NCBP3: variants seen among roughly 807,000 people sequenced by gnomAD.
NCBP3 encodes nuclear cap-binding protein subunit 3.
In NCBP3, 20 loss-of-function variants were observed where a neutral mutation model predicts 75.7. The ratio of observed to expected loss-of-function variants is 0.26; its 90% CI spans 0.19 to 0.38. The LOEUF (loss-of-function observed/expected upper bound fraction) is 0.38. NCBP3 is among the 10% of genes least tolerant of loss of function. The pLI is 1.00. For missense variants in NCBP3, 678 were observed against 796.9 expected (o/e 0.85, Z 1.80); for synonymous variants, 293 against 290.5 (o/e 1.01, Z -0.09).
chr17:3,813,073 T>C lies in NCBP3; in HGVS notation c.1834A>G (p.Ser612Gly), dbSNP rs2053451847. 4 of 1,614,214 alleles carry C rather than the reference T, an allele frequency of 2.5e-6. No individual in the cohort carries two copies. The highest frequency in any genetic ancestry group is 3.4e-6 in the Non-Finnish European group (4 of 1,180,030). ...GACTCTGCCTCTGAACCAGAGCTGC[T>C]TTCCCGACTAACTTCAATCTGGAGA... ...PSLQIEVSRE[S>G]SSGSEAES The change falls in exon 13 of 13, where the codon AGC (serine) becomes GGC (glycine). Residue 612 changes from serine to glycine, a missense_variant. Around this residue, in one of 7 missense-constraint regions of NCBP3, gnomAD observed 365 missense variants for 392.7 expected, o/e 0.93. Transcript: ENST00000389005.
chr17:3,822,244 T>C, intron 7 of NCBP3, 192 bp from the exon 8 acceptor site: 1 of 495,484 alleles, frequency 2.0e-6, no homozygotes, highest in Non-Finnish European at 3.6e-6. Flanking sequence ...TAAAGCAAAA[T>C]ACAGAGACGA....
Position 3,821,958 on chromosome 17 carries a change from A to G in NCBP3, c.891T>C (p.Asn297=), listed in dbSNP as rs1328679636. ...NYGGMKGILS[N]SWKRRYHSRR... ...TTTGAAGGTTTTGGACTCACCATGA[A>G]TTGCTAAGAATTCCTTTCATGCCTC... Residue 297 remains asparagine, a synonymous_variant, in exon 8 of 13, where the codon AAT becomes AAC. Coordinates refer to ENST00000389005, the MANE Select transcript of NCBP3 (RefSeq NM_001114118.3). 6.2e-7 allele frequency: 1 copy of G among 1,603,788 alleles called. No individual in the cohort carries two copies. The highest frequency in any genetic ancestry group is 8.5e-7 in the Non-Finnish European group (1 of 1,171,714).
At chr17:3,835,813 T>C (rs1049370998) in intron 3 of NCBP3, among the ~76,000 whole-genome samples, 1 of 152,210 alleles carries the variant, frequency 6.6e-6, no homozygotes, top group African/African-American at 2.4e-5. Context: ...TGACACTGAA[T>C]CGTTCAAATG....
chr17:3,840,146 A>T lies in NCBP3; in HGVS notation c.309T>A (p.Asn103Lys). 1 of 1,551,692 alleles carries T rather than the reference A, an allele frequency of 6.4e-7. No individual in the cohort carries two copies. The highest frequency in any genetic ancestry group is 1.2e-5 in the South Asian group (1 of 84,060). Residue 103 changes from asparagine (N) to lysine (K), a missense_variant, in exon 3 of 13, where the codon AAT (asparagine) becomes AAA (lysine). Around this residue, in one of 7 missense-constraint regions of NCBP3, gnomAD observed 40 missense variants for 41.3 expected, o/e 0.97. Coordinates refer to ENST00000389005, the MANE Select transcript of NCBP3 (RefSeq NM_001114118.3). ...AKRFHFRSEV[N>K]LAQRNVALDR... ...CCAAGGCTACATTTCTTTGGGCAAG[A>T]TTTACTTCCGATCGAAAATGGAAGC...
intron 6 of NCBP3, 36 bp downstream of exon 6, chr17:3,825,731 C>T: frequency 6.8e-7 from 1 of 1,466,476 alleles, no homozygotes; most frequent in Non-Finnish European, 9.3e-7. Context: ...CAATTTTTTA[C>T]AATAACTTTA....
At chr17:3,834,642 G>A (rs1326496846) in intron 3 of NCBP3, among the ~76,000 whole-genome samples, 1 of 152,208 alleles carries the variant, frequency 6.6e-6, no homozygotes, top group African/African-American at 2.4e-5. Context: ...AGGCGTTGTG[G>A]CTCATGCCTG....
intron 3 of NCBP3, among the ~76,000 whole-genome samples, chr17:3,832,608 G>A (rs1016980687): frequency 2.0e-5 from 3 of 149,408 alleles, no homozygotes; most frequent in Non-Finnish European, 4.5e-5. Context: ...TCCAGCCTGG[G>A]TGACAGAGCG....
At chr17:3,829,546 T>C (rs894600631) in intron 3 of NCBP3, among the ~76,000 whole-genome samples, 178 bp from the exon 4 acceptor site, 2 of 152,214 alleles carry the variant, frequency 1.3e-5, no homozygotes, top group Non-Finnish European at 2.9e-5. Flanking sequence ...ATCTTAATTT[T>C]TATCACTCAA....
At chr17:3,823,587 T>C (rs1386240915) in intron 7 of NCBP3, among the ~76,000 whole-genome samples, 1 of 152,156 alleles carries the variant, frequency 6.6e-6, no homozygotes, top group Non-Finnish European at 1.5e-5. Flanking sequence ...ATTTTAATCA[T>C]TTTTTTATTT....
Position 3,809,737 on chromosome 17 carries a change from T to A in NCBP3, c.*3307A>T, listed in dbSNP as rs1476978488. 1 of 151,630 alleles carries A rather than the reference T, an allele frequency of 6.6e-6. No homozygotes were observed. Among genetic ancestry groups the A allele is most frequent in the Non-Finnish European group, 1.5e-5 (1 of 67,956 alleles). The allele number at this position is 151,630 out of a possible 1,614,324, so 9.4% of individuals were successfully genotyped here. Reference sequence around the variant, plus strand: ...TAAATAATAGAAATAGAAATATATATATATAGCCCTAAAGTAGAAACAACT... The same window carrying A: ...TAAATAATAGAAATAGAAATATATAAATATAGCCCTAAAGTAGAAACAACT... On this transcript the variant is annotated 3_prime_UTR_variant, in exon 13 of 13. Transcript: ENST00000389005.
intron 3 of NCBP3, among the ~76,000 whole-genome samples, chr17:3,838,715 A>G (rs1032664495): frequency 2.6e-5 from 4 of 152,236 alleles, no homozygotes; most frequent in South Asian, 2.1e-4. Context: ...TACTAGCTAC[A>G]TGACCCTGGG....
Position 3,810,905 on chromosome 17 carries a change from C to T in NCBP3, c.*2139G>A, listed in dbSNP as rs1468120119. On this transcript the variant is annotated 3_prime_UTR_variant, in exon 13 of 13. Transcript: ENST00000389005. Reference sequence around the variant, plus strand: ...TGGACCTGAGCTGCTGGTGTAAAACCAAAAGGAAAGTCTGTGAAGGAGCAT... The same window carrying T: ...TGGACCTGAGCTGCTGGTGTAAAACTAAAAGGAAAGTCTGTGAAGGAGCAT... 2 of 152,248 alleles carry T rather than the reference C, an allele frequency of 1.3e-5. No individual in the cohort carries two copies. Among genetic ancestry groups the T allele is most frequent in the African/African-American group, 4.8e-5 (2 of 41,420 alleles). The allele number at this position is 152,248 out of a possible 1,614,324, so 9.4% of individuals were successfully genotyped here.
chr17:3,842,953 AT>A (rs2054092156), intron 2 of NCBP3, 132 bp downstream of exon 2: 39 of 837,394 alleles, frequency 4.7e-5, no homozygotes, highest in Non-Finnish European at 6.0e-5. Context: ...CAATAACACA[AT>A]TTTTTTTAGA....
chr17:3,820,909 G>A (rs983250247), intron 9 of NCBP3, among the ~76,000 whole-genome samples: 2 of 150,388 alleles, frequency 1.3e-5, no homozygotes, highest in African/African-American at 2.5e-5. Flanking sequence ...CAGCCTGAGA[G>A]ACAGAGCGAG....
At position 3,804,885 on chromosome 17, in the gene NCBP3, C is replaced by G. The variant is rs987632101; in HGVS notation, c.*8159G>C. On this transcript the variant is annotated 3_prime_UTR_variant, in exon 13 of 13. Coordinates refer to ENST00000389005, the MANE Select transcript of NCBP3 (RefSeq NM_001114118.3). ...GCTAGTAAGGAGCAGAGCTGGGACT[C>G]CAAACAGGCCTGTTTCCTCCAGAAT... 1.3e-5 allele frequency: 2 copies of G among 152,248 alleles called. No individual in the cohort carries two copies. Among genetic ancestry groups the G allele is most frequent in the African/African-American group, 4.8e-5 (2 of 41,452 alleles). 9.4% of individuals were successfully genotyped at this position (152,248 alleles called of 1,614,324 possible). A position where few individuals can be genotyped will look rare whatever the true frequency, so the allele number is the denominator to read the frequency against.
chr17:3,828,236 A>G (rs1489654139), intron 4 of NCBP3, among the ~76,000 whole-genome samples: 2 of 152,134 alleles, frequency 1.3e-5, no homozygotes, highest in African/African-American at 4.8e-5. Flanking sequence ...TGTTTTTGTA[A>G]ATAAAGTTCT....
At chr17:3,828,137 T>C (rs559908900) in intron 4 of NCBP3, among the ~76,000 whole-genome samples, 1 of 152,356 alleles carries the variant, frequency 6.6e-6, no homozygotes, top group Non-Finnish European at 1.5e-5. Flanking sequence ...CAGGCTGGTC[T>C]TGAACTCCTG....
chr17:3,824,799 A>G (rs751908167), intron 7 of NCBP3, 143 bp downstream of exon 7: 44 of 420,366 alleles, frequency 1.0e-4, no homozygotes, highest in Non-Finnish European at 1.7e-4. Context: ...GTGGCAAGCA[A>G]TTATTTCATA....
chr17:3,808,612 A>T lies in NCBP3; in HGVS notation c.*4432T>A, dbSNP rs1227931099. On this transcript the variant is annotated 3_prime_UTR_variant, in exon 13 of 13. Transcript: ENST00000389005. ...AGTCTGTAGGGCTAGTGAGATCAAG[A>T]TACATTTAGGGAACTGGTGAGCAGA... 3 of 152,292 alleles carry T rather than the reference A, an allele frequency of 2.0e-5. No individual in the cohort carries two copies. The highest frequency in any genetic ancestry group is 2.9e-5 in the Non-Finnish European group (2 of 68,102). The allele number at this position is 152,292 out of a possible 1,614,324, so 9.4% of individuals were successfully genotyped here. A position where few individuals can be genotyped will look rare whatever the true frequency, so the allele number is the denominator to read the frequency against.
Sources: gnomAD v4.1 joint callset for allele counts (sites outside exome capture counted in the v4.1 genomes callset) on GRCh38, gnomAD v4.1.1 for gene constraint, gnomAD v4.1.1 regional missense constraint, MANE v1.5 for transcripts, NCBI Gene and HGNC (gene_info 2026-07-23, HGNC 2026-07-21) for gene names.